The following ZC3H13 variants were observed in gnomAD, a reference collection of about 807,000 sequenced individuals.
The protein encoded by ZC3H13 is zinc finger CCCH domain-containing protein 13.
ZC3H13 carries 64 observed loss-of-function variants against 204.1 expected under a neutral mutation model. The ratio of observed to expected loss-of-function variants is 0.31; its 90% CI spans 0.26 to 0.39. ZC3H13 has a LOEUF of 0.39. Among genes scored for constraint, ZC3H13 ranks in the 10% least tolerant of loss-of-function variants. The probability of loss-of-function intolerance (pLI) is 1.00; values close to 1 mark genes in which losing one functional copy is unlikely to be tolerated. For synonymous variants in ZC3H13, 667 were observed against 693.7 expected, an observed-to-expected ratio of 0.96 and a Z score of 0.60; for missense variants, 1,833 against 2,082.7, an observed-to-expected ratio of 0.88 and a Z score of 2.33.
chr13:46,020,623 A>G lies in ZC3H13; in HGVS notation c.340-66T>C, dbSNP rs888401247. 1.1e-5 allele frequency: 11 copies of G among 1,016,122 alleles called. No individual in the cohort carries two copies. The Admixed American group carries it at 2.8e-4, about 26-fold the overall frequency. The allele number at this position is 1,016,122 out of a possible 1,614,324, so 62.9% of individuals were successfully genotyped here. A position where few individuals can be genotyped will look rare whatever the true frequency, so the allele number is the denominator to read the frequency against. ...AAAAATTATGAGGTAGTTTATTGTA[A>G]TAAGAGAACATTTTAATTTCATTCA... is the stretch of plus-strand genomic sequence containing the variant. On this transcript the variant is annotated intron_variant, in intron 4 of 18. Coordinates refer to ENST00000679008, the MANE Select transcript of ZC3H13 (RefSeq NM_001330564.2).
chr13:46,010,185 A>T, intron 7 of ZC3H13, 163 bp downstream of exon 7: 1 of 641,624 alleles, frequency 1.6e-6, no homozygotes, highest in Non-Finnish European at 2.3e-6. Context: ...ATTGTTCTCT[A>T]TAATTGTCTT....
intron 11 of ZC3H13, 123 bp downstream of exon 11, chr13:45,979,690 A>G: frequency 1.0e-6 from 1 of 963,510 alleles, no homozygotes; most frequent in Non-Finnish European, 1.5e-6. Flanking sequence ...ATAGTTTCAA[A>G]TGTGTCATCG....
intron 5 of ZC3H13, among the ~76,000 whole-genome samples, chr13:46,013,989 A>G (rs1295782078): frequency 1.3e-5 from 2 of 152,150 alleles, no homozygotes; most frequent in Admixed American, 1.3e-4. Context: ...TGTATTCAGG[A>G]GCCATTTTTT....
At chr13:46,009,816 T>C (rs1472226022) in intron 7 of ZC3H13, among the ~76,000 whole-genome samples, 1 of 152,062 alleles carries the variant, frequency 6.6e-6, no homozygotes, top group African/African-American at 2.4e-5. Flanking sequence ...AGACAAAAAT[T>C]TTTTGTGTAT....
chr13:45,984,892 T>C lies in ZC3H13; in HGVS notation c.1720+405A>G, dbSNP rs117410471. Among the ~76,000 whole-genome samples the C allele has an allele frequency of 5.8e-4, 89 of 152,334 alleles. 1 individual carries two copies. The East Asian group carries it at 0.014, about 24-fold the overall frequency. The stretch of plus-strand genomic sequence containing the variant: ...TGAAGCAAGTACAAATACTGAAGAA[T>C]ACACAAATCAGTCATTTCTGATGCC... On this transcript the variant is annotated intron_variant, in intron 10 of 18. Coordinates refer to ENST00000679008, the MANE Select transcript of ZC3H13 (RefSeq NM_001330564.2).
chr13:46,028,373 G>T (rs2042671739), intron 4 of ZC3H13, among the ~76,000 whole-genome samples: 1 of 152,180 alleles, frequency 6.6e-6, no homozygotes, highest in African/African-American at 2.4e-5. Context: ...TCTTATGGTT[G>T]AGGATTTCAC....
At chr13:46,014,649 T>G (rs539449318) in intron 5 of ZC3H13, among the ~76,000 whole-genome samples, 1 of 152,354 alleles carries the variant, frequency 6.6e-6, no homozygotes, top group East Asian at 1.9e-4. Context: ...CATTCTATAT[T>G]TTGTACTTTG....
intron 5 of ZC3H13, among the ~76,000 whole-genome samples, chr13:46,014,812 T>C (rs2041813458): frequency 1.3e-5 from 2 of 152,210 alleles, no homozygotes. Flanking sequence ...AATAATGTTT[T>C]ACATTTTTCC....
Position 45,956,921 on chromosome 13 carries a change from G to A in ZC3H13, c.*206C>T, listed in dbSNP as rs147545250. On this transcript the variant is annotated 3_prime_UTR_variant, in exon 19 of 19. Transcript: ENST00000679008. ...GATGTTTTCACATTATTTTGCATGA[G>A]TGTCAAATACTATGTAAAAATTAAC... The A allele has an allele frequency of 2.7e-6, 1 of 371,056 alleles. No homozygotes were observed. The highest frequency in any genetic ancestry group is 4.7e-6 in the Non-Finnish European group (1 of 214,186). The allele number at this position is 371,056 out of a possible 1,614,324, so 23.0% of individuals were successfully genotyped here. A position where few individuals can be genotyped will look rare whatever the true frequency, so the allele number is the denominator to read the frequency against.
chr13:45,962,215 A>T (rs1046015000), intron 17 of ZC3H13: 2 of 985,320 alleles, frequency 2.0e-6, no homozygotes, highest in Non-Finnish European at 2.4e-6. Context: ...TCAAGATAAT[A>T]CATCAGTTCT....
intron 5 of ZC3H13, among the ~76,000 whole-genome samples, chr13:46,019,039 A>G (rs987542058): frequency 3.3e-5 from 5 of 152,134 alleles, no homozygotes; most frequent in African/African-American, 1.2e-4. Flanking sequence ...ATTAGGTTGG[A>G]TTATGAAATC....
At chr13:46,011,789 A>C (rs899178396) in intron 5 of ZC3H13, among the ~76,000 whole-genome samples, 3 of 152,168 alleles carry the variant, frequency 2.0e-5, no homozygotes, top group African/African-American at 7.2e-5. Flanking sequence ...GGTTTTCTGG[A>C]AACAATTTTG....
At chr13:45,987,177 T>A (rs2138227706) in intron 9 of ZC3H13, among the ~76,000 whole-genome samples, 1 of 152,342 alleles carries the variant, frequency 6.6e-6, no homozygotes, top group African/African-American at 2.4e-5. Flanking sequence ...AAATTATCCT[T>A]ATTTCAGAAA....
At chr13:45,962,944 C>T (rs1182578579) in intron 17 of ZC3H13, 6 of 985,232 alleles carry the variant, frequency 6.1e-6, no homozygotes, top group Non-Finnish European at 6.0e-6. Context: ...ACCCCTACCA[C>T]CAGAATCCAT....
intron 5 of ZC3H13, 152 bp from the exon 6 acceptor site, chr13:46,011,706 A>G (rs535033515): frequency 4.1e-6 from 2 of 487,682 alleles, no homozygotes; most frequent in South Asian, 1.3e-4. Context: ...AGAAATAGAT[A>G]CCATTTCTAT....
chr13:45,973,434 G>T (rs916069484), intron 12 of ZC3H13, among the ~76,000 whole-genome samples: 3 of 152,074 alleles, frequency 2.0e-5, no homozygotes, highest in African/African-American at 7.2e-5. Context: ...GTCTAACCAT[G>T]AAAAACCAGA....
intron 10 of ZC3H13, among the ~76,000 whole-genome samples, 173 bp downstream of exon 10, chr13:45,985,124 C>G (rs940247748): frequency 2.0e-5 from 3 of 152,128 alleles, no homozygotes; most frequent in Non-Finnish European, 4.4e-5. Context: ...TTATCTTTTG[C>G]TATTTTAACT....
intron 10 of ZC3H13, among the ~76,000 whole-genome samples, chr13:45,983,114 T>C (rs1277651083): frequency 6.6e-6 from 1 of 151,986 alleles, no homozygotes; most frequent in Non-Finnish European, 1.5e-5. Context: ...ACAAACTTTA[T>C]CTTAGAGAAA....
intron 7 of ZC3H13, among the ~76,000 whole-genome samples, chr13:46,004,088 CATAT>C (rs751763129): frequency 6.6e-6 from 1 of 151,004 alleles, no homozygotes; most frequent in Non-Finnish European, 1.5e-5. Context: ...ATGTGCAAAT[CATAT>C]ATATATATAG....
Sources: allele counts gnomAD v4.1 joint callset (sites outside exome capture counted in the v4.1 genomes callset), GRCh38; gene constraint gnomAD v4.1.1; transcripts MANE v1.5; gene names NCBI Gene and HGNC (gene_info 2026-07-23, HGNC 2026-07-21).